Variants in SLC2A13 observed in about 807,000 individuals in gnomAD.
The protein encoded by SLC2A13 is solute carrier family 2 member 13, also known as proton myo-inositol cotransporter.
SLC2A13 carries 32 observed loss-of-function variants against 64.4 expected under a neutral mutation model. That is an observed-to-expected ratio of 0.50 (90% CI 0.37 to 0.67). SLC2A13 has a LOEUF of 0.67. Ranked by LOEUF, SLC2A13 falls within the 30% of genes least tolerant of loss-of-function variation. The pLI is 0.00. For missense variants in SLC2A13, 743 were observed against 829.2 expected, an observed-to-expected ratio of 0.90 and a Z score of 1.28; for synonymous variants, 338 against 327.1, an observed-to-expected ratio of 1.03 and a Z score of -0.36.
intron 4 of SLC2A13, among the ~76,000 whole-genome samples, chr12:39,896,513 TG>T (rs1944905839): frequency 6.8e-6 from 1 of 147,464 alleles, no homozygotes; most frequent in Non-Finnish European, 1.5e-5. Context: ...TATGTACATG[TG>T]TGTATACATG....
chr12:39,951,677 C>T (rs1446963314), intron 3 of SLC2A13, among the ~76,000 whole-genome samples: 1 of 152,196 alleles, frequency 6.6e-6, no homozygotes, highest in Non-Finnish European at 1.5e-5. Flanking sequence ...TCCCTACAAG[C>T]TCTAGAGATT....
intron 3 of SLC2A13, among the ~76,000 whole-genome samples, chr12:40,007,428 C>T (rs148852272): frequency 5.7e-4 from 87 of 152,124 alleles, no homozygotes; most frequent in African/African-American, 2.0e-3. Context: ...CAAAAAAAAG[C>T]CACACAAAAT....
At chr12:40,082,957 C>T (rs17458396) in intron 1 of SLC2A13, among the ~76,000 whole-genome samples, 18,763 of 152,128 alleles carry the variant, frequency 0.12, 1,551 homozygotes, top group Middle Eastern at 0.18. Flanking sequence ...TCTGTCTACT[C>T]TCAATACCTT....
chr12:39,966,138 T>TAG (rs201821233), intron 3 of SLC2A13, among the ~76,000 whole-genome samples: 13,111 of 148,578 alleles, frequency 0.088, 729 homozygotes, highest in Admixed American at 0.16. Flanking sequence ...TATATATATA[T>TAG]AGAGAGAGAG....
chr12:39,877,068 A>G (rs1566894364), intron 4 of SLC2A13, among the ~76,000 whole-genome samples: 1 of 152,204 alleles, frequency 6.6e-6, no homozygotes, highest in Non-Finnish European at 1.5e-5. Context: ...ATGCCATTAC[A>G]TTAAAAGAGG....
chr12:40,058,171 TA>T (rs1270625652), intron 1 of SLC2A13, among the ~76,000 whole-genome samples: 3 of 152,070 alleles, frequency 2.0e-5, no homozygotes, highest in Admixed American at 2.0e-4. Flanking sequence ...GGCATGTTTT[TA>T]AGATCTACAA....
At chr12:39,844,237 T>C (rs1269066787) in intron 6 of SLC2A13, among the ~76,000 whole-genome samples, 1 of 152,088 alleles carries the variant, frequency 6.6e-6, no homozygotes, top group African/African-American at 2.4e-5. Context: ...CTAGCTTTTC[T>C]ACTTATTGAG....
Position 40,097,954 on chromosome 12 carries a change from C to G in SLC2A13, c.556+7299G>C, listed in dbSNP as rs192493269. ...TCATTGCAGCATTATCCACAACAGC[C>G]AAGAGGGAGAGGCAACTCAAAGGTC... On this transcript the variant is annotated intron_variant, in intron 1 of 9. Transcript: ENST00000280871. 8.8e-4 allele frequency among the ~76,000 whole-genome samples: 134 copies of G among 151,792 alleles called. 2 individuals carry two copies. Among genetic ancestry groups the G allele is most frequent in the Admixed American group, 7.1e-3 (108 of 15,248 alleles).
At chr12:39,902,254 TG>T (rs1263862416) in intron 4 of SLC2A13, among the ~76,000 whole-genome samples, 1 of 150,970 alleles carries the variant, frequency 6.6e-6, no homozygotes, top group East Asian at 2.0e-4. Flanking sequence ...GACGAATTAA[TG>T]GGTGCAGCAC....
intron 6 of SLC2A13, among the ~76,000 whole-genome samples, chr12:39,858,709 C>T (rs369227954): frequency 2.6e-5 from 4 of 152,082 alleles, no homozygotes; most frequent in Admixed American, 6.6e-5. Flanking sequence ...CAGGTTCAAG[C>T]GATTCTCCTG....
At chr12:39,924,432 TTAGTA>T (rs1450015369) in intron 4 of SLC2A13, among the ~76,000 whole-genome samples, 1 of 152,164 alleles carries the variant, frequency 6.6e-6, no homozygotes, top group African/African-American at 2.4e-5. Flanking sequence ...CATTGTATCA[TTAGTA>T]TAGAAGTATT....
chr12:40,069,874 T>C (rs1029884704), intron 1 of SLC2A13, among the ~76,000 whole-genome samples: 2 of 152,140 alleles, frequency 1.3e-5, no homozygotes, highest in Non-Finnish European at 2.9e-5. Context: ...CCCTAACTTT[T>C]TGCTGCTCAT....
chr12:40,033,298 T>G (rs1457766587), intron 2 of SLC2A13, among the ~76,000 whole-genome samples: 1 of 152,244 alleles, frequency 6.6e-6, no homozygotes, highest in East Asian at 1.9e-4. Flanking sequence ...AGTGCATTAA[T>G]TTACCTTAGC....
intron 7 of SLC2A13, among the ~76,000 whole-genome samples, chr12:39,818,492 T>C (rs1399239825): frequency 1.3e-5 from 2 of 152,212 alleles, no homozygotes; most frequent in Non-Finnish European, 2.9e-5. Flanking sequence ...AGTAATTACC[T>C]TCTTTGTTTA....
intron 9 of SLC2A13, among the ~76,000 whole-genome samples, chr12:39,760,976 A>ACACACACAC (rs1236073642): frequency 4.7e-5 from 7 of 150,254 alleles, no homozygotes; most frequent in South Asian, 2.1e-4. Context: ...ACACACACAT[A>ACACACACAC]ATTGAATTGC....
intron 5 of SLC2A13, among the ~76,000 whole-genome samples, chr12:39,866,681 G>A (rs963474699): frequency 1.3e-5 from 2 of 152,048 alleles, no homozygotes; most frequent in African/African-American, 4.8e-5. Context: ...GGGTTTCACC[G>A]TGTTAGCCAG....
At chr12:40,011,893 A>T (rs780910265) in intron 3 of SLC2A13, among the ~76,000 whole-genome samples, 4 of 152,092 alleles carry the variant, frequency 2.6e-5, no homozygotes, top group Non-Finnish European at 4.4e-5. Flanking sequence ...CAAGGGCAGG[A>T]CCCTTCTGAG....
chr12:39,985,954 A>C (rs1241620896), intron 3 of SLC2A13, among the ~76,000 whole-genome samples: 1 of 152,130 alleles, frequency 6.6e-6, no homozygotes, highest in Non-Finnish European at 1.5e-5. Context: ...ATTTCTCACC[A>C]TTCTGGAGGC....
intron 1 of SLC2A13, among the ~76,000 whole-genome samples, chr12:40,073,360 T>C (rs1460824726): frequency 6.6e-6 from 1 of 152,042 alleles, no homozygotes; most frequent in Non-Finnish European, 1.5e-5. Flanking sequence ...AAACAAACCA[T>C]GTATATATGT....
Sources: allele counts gnomAD v4.1 joint callset (sites outside exome capture counted in the v4.1 genomes callset), GRCh38; gene constraint gnomAD v4.1.1; transcripts MANE v1.5; gene names NCBI Gene and HGNC (gene_info 2026-07-23, HGNC 2026-07-21).